Variants in ZFPM1 observed in about 807,000 individuals in gnomAD.
The protein encoded by ZFPM1 is zinc finger protein, FOG family member 1.
A neutral mutation model predicts 46.3 loss-of-function variants in ZFPM1; 28 were observed. The ratio of observed to expected loss-of-function variants is 0.60; its 90% CI spans 0.45 to 0.83. ZFPM1 has a LOEUF of 0.83. Ranked by LOEUF, ZFPM1 falls within the 40% of genes least tolerant of loss-of-function variation. The pLI, the probability that ZFPM1 is intolerant of heterozygous loss-of-function variation, is 0.00. For synonymous variants in ZFPM1, 957 were observed against 675.9 expected (o/e 1.42, Z -6.45); for missense variants, 1,878 against 1,432.4 (o/e 1.31, Z -5.02).
chr16:88,475,840 G>A (rs532342600), intron 1 of ZFPM1, among the ~76,000 whole-genome samples: 42 of 152,334 alleles, frequency 2.8e-4, no homozygotes, highest in African/African-American at 1.0e-3. Flanking sequence ...GCGTGCAGGA[G>A]GACCTGGGCC....
At chr16:88,485,834 C>T in intron 1 of ZFPM1, 105 bp from the exon 2 acceptor site, 2 of 1,052,800 alleles carry the variant, frequency 1.9e-6, no homozygotes, top group Admixed American at 2.1e-5. Context: ...CACCCATTGC[C>T]ATTTCCGCCT....
intron 1 of ZFPM1, among the ~76,000 whole-genome samples, chr16:88,466,240 C>T (rs558671871): frequency 1.4e-4 from 22 of 152,264 alleles, no homozygotes; most frequent in African/African-American, 4.3e-4. Context: ...TGATGGCGGC[C>T]GTGGTTAGAC....
At chr16:88,456,060 G>A (rs1369754853) in intron 1 of ZFPM1, among the ~76,000 whole-genome samples, 2 of 152,254 alleles carry the variant, frequency 1.3e-5, no homozygotes, top group Admixed American at 1.3e-4. Context: ...GGGCGAGTGG[G>A]GGCTTGGAAC....
At chr16:88,458,905 G>A (rs1907676913) in intron 1 of ZFPM1, among the ~76,000 whole-genome samples, 1 of 152,180 alleles carries the variant, frequency 6.6e-6, no homozygotes, top group African/African-American at 2.4e-5. Flanking sequence ...CCTGCCTGGT[G>A]AGTCCCGCCA....
At position 88,534,863 on chromosome 16, in the gene ZFPM1, C is replaced by T; in HGVS notation, c.2905C>T (p.Pro969Ser). 2 of 1,566,640 alleles carry T rather than the reference C, an allele frequency of 1.3e-6. No individual in the cohort carries two copies. The highest frequency in any genetic ancestry group is 8.6e-7 in the Non-Finnish European group (1 of 1,162,628). The change falls in exon 10 of 10, where the codon CCC (proline) becomes TCC (serine). Residue 969 changes from proline to serine, a missense_variant. Coordinates refer to ENST00000319555, the MANE Select transcript of ZFPM1 (RefSeq NM_153813.3). ...CAGCAAGGGCACGCCGGCGCCGCTGCCCAACGGCAACCACCGGTACTGCCG... is the reference window on the plus strand; with the variant it reads ...CAGCAAGGGCACGCCGGCGCCGCTGTCCAACGGCAACCACCGGTACTGCCG... ...TPSKGTPAPL[P>S]NGNHRYCRLC... is the part of the protein sequence containing the mutation.
chr16:88,475,974 G>A (rs960267773), intron 1 of ZFPM1, among the ~76,000 whole-genome samples: 1 of 152,180 alleles, frequency 6.6e-6, no homozygotes, highest in African/African-American at 2.4e-5. Context: ...TCAGCCACAG[G>A]AAGAAGTGGT....
At position 88,532,244 on chromosome 16, in the gene ZFPM1, CCA is replaced by C; in HGVS notation, c.946+11_946+12del. 6.3e-7 allele frequency: 1 copy of C among 1,586,406 alleles called. No individual in the cohort carries two copies. Among genetic ancestry groups the C allele is most frequent in the Non-Finnish European group, 8.6e-7 (1 of 1,163,002 alleles). On this transcript the variant is annotated intron_variant, in intron 7 of 9. Coordinates refer to ENST00000319555, the MANE Select transcript of ZFPM1 (RefSeq NM_153813.3). ...CATGCGCAGCCACAGCGGTGAGCCC[CCA>C]CCCCGGACGCGGGTCCTCAGGATGC...
chr16:88,479,704 C>A (rs888762151), intron 1 of ZFPM1, among the ~76,000 whole-genome samples: 4 of 151,038 alleles, frequency 2.6e-5, no homozygotes, highest in Non-Finnish European at 5.9e-5. Flanking sequence ...GACCCCCCCC[C>A]ACCCACCTGC....
intron 2 of ZFPM1, 115 bp from the exon 3 acceptor site, chr16:88,488,916 G>C (rs1398039359): frequency 6.8e-7 from 1 of 1,472,842 alleles, no homozygotes; most frequent in African/African-American, 1.4e-5. Context: ...GGGTGGCTCT[G>C]GGCCCGAGCT....
intron 3 of ZFPM1, among the ~76,000 whole-genome samples, chr16:88,504,226 G>C (rs141661641): frequency 6.6e-6 from 1 of 152,128 alleles, no homozygotes; most frequent in African/African-American, 2.4e-5. Flanking sequence ...AGGCCAGGGC[G>C]CCCAGGCCGA....
chr16:88,506,708 T>A (rs998240623), intron 3 of ZFPM1, among the ~76,000 whole-genome samples: 2 of 151,288 alleles, frequency 1.3e-5, no homozygotes, highest in Non-Finnish European at 2.9e-5. Flanking sequence ...CAGGCTCCTC[T>A]GCGCCTCTCC....
At chr16:88,519,990 ATGGGTGGGTAGATAGCTGG>A (rs976956367) in intron 4 of ZFPM1, among the ~76,000 whole-genome samples, 3 of 147,674 alleles carry the variant, frequency 2.0e-5, no homozygotes, top group African/African-American at 7.6e-5. Context: ...AGGTGGATGG[ATGGGTGGGTAGATAGCTGG>A]TGGATAAGTG....
At chr16:88,493,083 G>GGA (rs1909683282) in intron 3 of ZFPM1, among the ~76,000 whole-genome samples, 1 of 117,776 alleles carries the variant, frequency 8.5e-6, no homozygotes, top group African/African-American at 3.4e-5. Context: ...CGGGGTGCGG[G>GGA]GAGCTGTCCC....
intron 3 of ZFPM1, among the ~76,000 whole-genome samples, chr16:88,507,857 G>T (rs538306305): frequency 6.6e-6 from 1 of 152,302 alleles, no homozygotes; most frequent in Admixed American, 6.5e-5. Flanking sequence ...CCTCCTGGGA[G>T]GATACCCTTC....
intron 2 of ZFPM1, among the ~76,000 whole-genome samples, chr16:88,486,743 A>G (rs1449853952): frequency 3.0e-5 from 4 of 132,048 alleles, no homozygotes; most frequent in African/African-American, 9.0e-5. Context: ...TGCACAGCGG[A>G]TGGGTGCTGG....
intron 4 of ZFPM1, among the ~76,000 whole-genome samples, chr16:88,525,358 G>A (rs12924252): frequency 0.41 from 61,702 of 151,880 alleles, 13,333 homozygotes; most frequent in East Asian, 0.86. Flanking sequence ...CCGACCCCTT[G>A]TACCATGGCA....
intron 7 of ZFPM1, 51 bp from the exon 8 acceptor site, chr16:88,532,563 T>C: frequency 6.5e-7 from 1 of 1,527,964 alleles, no homozygotes; most frequent in Non-Finnish European, 8.8e-7. Flanking sequence ...ATCCCTGGAG[T>C]CCCAAGGTTA....
chr16:88,526,623 A>G (rs34346214), intron 4 of ZFPM1, among the ~76,000 whole-genome samples, 191 bp from the exon 5 acceptor site: 1,959 of 152,284 alleles, frequency 0.013, 28 homozygotes, highest in Middle Eastern at 0.024. Flanking sequence ...TGTTAGCCCC[A>G]CCGGTCAACT....
At chr16:88,484,915 G>A (rs899780943) in intron 1 of ZFPM1, among the ~76,000 whole-genome samples, 2 of 152,212 alleles carry the variant, frequency 1.3e-5, no homozygotes, top group Non-Finnish European at 2.9e-5. Flanking sequence ...GTGGACTCCT[G>A]GAGTTCCCCC....
Sources: allele counts gnomAD v4.1 joint callset (sites outside exome capture counted in the v4.1 genomes callset), GRCh38; gene constraint gnomAD v4.1.1; transcripts MANE v1.5; gene names NCBI Gene and HGNC (gene_info 2026-07-23, HGNC 2026-07-21).